ARHGAP24: variants seen among roughly 807,000 people sequenced by gnomAD.
The protein encoded by ARHGAP24 is rho GTPase-activating protein 24.
Under a neutral mutation model 76.4 loss-of-function variants are expected in ARHGAP24, and 50 were observed. The ratio of observed to expected loss-of-function variants is 0.65; its 90% CI spans 0.52 to 0.83. ARHGAP24 has a LOEUF of 0.83. Among genes scored for constraint, ARHGAP24 ranks in the 40% least tolerant of loss-of-function variants. The pLI is 0.00. For missense variants in ARHGAP24, 930 were observed against 914.2 expected, an observed-to-expected ratio of 1.02 and a Z score of -0.22; for synonymous variants, 345 against 323.3, an observed-to-expected ratio of 1.07 and a Z score of -0.72.
At chr4:85,657,030 T>C (rs568782448) in intron 2 of ARHGAP24, among the ~76,000 whole-genome samples, 1 of 152,268 alleles carries the variant, frequency 6.6e-6, no homozygotes, top group East Asian at 1.9e-4. Context: ...ATTATAAAAA[T>C]GTAACATTGC....
At chr4:85,956,267 C>G (rs1435586261) in intron 5 of ARHGAP24, among the ~76,000 whole-genome samples, 1 of 152,198 alleles carries the variant, frequency 6.6e-6, no homozygotes. Context: ...CCCCTAAAAT[C>G]CTGAATAGCT....
At chr4:85,715,065 A>G (rs946249078) in intron 2 of ARHGAP24, among the ~76,000 whole-genome samples, 5 of 152,262 alleles carry the variant, frequency 3.3e-5, no homozygotes, top group African/African-American at 1.2e-4. Flanking sequence ...CCTATGTTAC[A>G]GAGTAATTGG....
At chr4:85,632,147 T>C (rs1052623006) in intron 2 of ARHGAP24, among the ~76,000 whole-genome samples, 2 of 152,050 alleles carry the variant, frequency 1.3e-5, no homozygotes, top group Non-Finnish European at 2.9e-5. Context: ...TTTTTTCTTC[T>C]ACTCTTTTTC....
intron 2 of ARHGAP24, among the ~76,000 whole-genome samples, chr4:85,640,734 T>C (rs1721490853): frequency 6.6e-6 from 1 of 152,178 alleles, no homozygotes; most frequent in African/African-American, 2.4e-5. Context: ...TAATATGTAA[T>C]TATCTCCTCT....
intron 3 of ARHGAP24, among the ~76,000 whole-genome samples, chr4:85,830,910 C>T (rs1729962325): frequency 6.6e-6 from 1 of 152,006 alleles, no homozygotes; most frequent in South Asian, 2.1e-4. Context: ...ACATTTTCTG[C>T]AAGTCTGCTC....
intron 9 of ARHGAP24, among the ~76,000 whole-genome samples, chr4:85,997,325 A>ATGAT (rs1740721032): frequency 7.4e-6 from 1 of 135,172 alleles, no homozygotes; most frequent in Admixed American, 7.6e-5. Flanking sequence ...AGATAGATAG[A>ATGAT]TGATAGATAG....
intron 2 of ARHGAP24, among the ~76,000 whole-genome samples, chr4:85,680,987 G>T (rs1300273607): frequency 6.6e-6 from 1 of 151,906 alleles, no homozygotes; most frequent in Non-Finnish European, 1.5e-5. Flanking sequence ...GAGCACATTT[G>T]TTTAAAGGAC....
At chr4:85,874,685 T>C (rs1433422711) in intron 3 of ARHGAP24, among the ~76,000 whole-genome samples, 2 of 149,296 alleles carry the variant, frequency 1.3e-5, no homozygotes, top group African/African-American at 2.5e-5. Flanking sequence ...TAGCAGGAGA[T>C]ATTGTATTTA....
chr4:85,919,334 C>G (rs565626060), intron 3 of ARHGAP24, among the ~76,000 whole-genome samples: 1 of 152,262 alleles, frequency 6.6e-6, no homozygotes, highest in African/African-American at 2.4e-5. Context: ...GTGCCAGGCT[C>G]TTAGAACTGA....
At position 85,960,299 on chromosome 4, in the gene ARHGAP24, G is replaced by C. The variant is rs548296762; in HGVS notation, c.600-11737G>C. ...TTTCCTGATTCTTTTGATAATCCGT[G>C]TTAAGGAAATGGTTACAGAGTCTCT... On this transcript the variant is annotated intron_variant, in intron 5 of 9. Coordinates refer to ENST00000395184, the MANE Select transcript of ARHGAP24 (RefSeq NM_001025616.3). Among the ~76,000 whole-genome samples, 3 of 152,254 alleles carry C rather than the reference G, an allele frequency of 2.0e-5. No individual in the cohort carries two copies. The South Asian group carries it at 6.2e-4, about 32-fold the overall frequency.
At chr4:85,901,934 C>A (rs1398625109) in intron 3 of ARHGAP24, among the ~76,000 whole-genome samples, 1 of 151,968 alleles carries the variant, frequency 6.6e-6, no homozygotes, top group Non-Finnish European at 1.5e-5. Flanking sequence ...GTTTTAAGCC[C>A]CGCATGCATT....
At chr4:85,796,123 A>T (rs1350621569) in intron 3 of ARHGAP24, among the ~76,000 whole-genome samples, 1 of 151,858 alleles carries the variant, frequency 6.6e-6, no homozygotes, top group African/African-American at 2.4e-5. Flanking sequence ...AATAGTAAAA[A>T]CCGTGATTAC....
chr4:85,987,268 C>A (rs1560767673), intron 8 of ARHGAP24, among the ~76,000 whole-genome samples: 1 of 152,056 alleles, frequency 6.6e-6, no homozygotes, highest in Non-Finnish European at 1.5e-5. Flanking sequence ...CCTGAAACTG[C>A]TCTAAAAATT....
intron 1 of ARHGAP24, among the ~76,000 whole-genome samples, chr4:85,481,322 C>T (rs1356107798): frequency 6.6e-6 from 1 of 152,184 alleles, no homozygotes; most frequent in Non-Finnish European, 1.5e-5. Flanking sequence ...AATACCCTGA[C>T]ATATTTACTA....
chr4:85,979,903 A>G (rs1039544973), intron 8 of ARHGAP24, among the ~76,000 whole-genome samples: 2 of 152,236 alleles, frequency 1.3e-5, no homozygotes. Flanking sequence ...TGCTTGGTCA[A>G]TACATTGTAA....
At chr4:85,769,750 G>A (rs947733160) in intron 3 of ARHGAP24, among the ~76,000 whole-genome samples, 2 of 151,856 alleles carry the variant, frequency 1.3e-5, no homozygotes, top group African/African-American at 4.8e-5. Context: ...ACTACGCCCA[G>A]CTAATTTTTT....
intron 3 of ARHGAP24, among the ~76,000 whole-genome samples, chr4:85,742,527 C>T (rs570623136): frequency 6.6e-5 from 10 of 152,234 alleles, no homozygotes; most frequent in Non-Finnish European, 1.2e-4. Flanking sequence ...TATGTATAGA[C>T]GTATAGATTG....
intron 3 of ARHGAP24, among the ~76,000 whole-genome samples, chr4:85,747,566 A>G (rs979076732): frequency 2.0e-5 from 3 of 151,718 alleles, no homozygotes; most frequent in Non-Finnish European, 4.4e-5. Context: ...AGCCGGGCGT[A>G]GTGGCGGGCG....
At position 85,541,732 on chromosome 4, in the gene ARHGAP24, A is replaced by G. The variant is rs1262212566; in HGVS notation, c.-20-28790A>G. ...AGCACATTTTCTAAGTAGTAATTAT[A>G]TCACGTAATCACTGAAACAATAGAG... On this transcript the variant is annotated intron_variant, in intron 1 of 9. Coordinates refer to ENST00000395184, the MANE Select transcript of ARHGAP24 (RefSeq NM_001025616.3). Among the ~76,000 whole-genome samples the G allele has an allele frequency of 2.7e-5, 4 of 150,538 alleles. No individual in the cohort carries two copies. In the South Asian group the frequency reaches 6.2e-4, roughly 23 times the overall value.
Sources: allele counts gnomAD v4.1 joint callset (sites outside exome capture counted in the v4.1 genomes callset), GRCh38; gene constraint gnomAD v4.1.1; transcripts MANE v1.5; gene names NCBI Gene and HGNC (gene_info 2026-07-23, HGNC 2026-07-21).